Variants in CEACAM5 observed in about 807,000 individuals in gnomAD.
The protein encoded by CEACAM5 is CEA cell adhesion molecule 5.
In CEACAM5, 52 loss-of-function variants were observed where a neutral mutation model predicts 63.0. The observed-to-expected ratio is 0.83, with a 90% CI of 0.66 to 1.04. The LOEUF (loss-of-function observed/expected upper bound fraction) is 1.04. Among genes scored for constraint, CEACAM5 ranks in the 50% least tolerant of loss-of-function variants. The pLI is 0.00. For synonymous variants in CEACAM5, 357 were observed against 351.3 expected (o/e 1.02, Z -0.18); for missense variants, 790 against 864.8 (o/e 0.91, Z 1.08).
chr19:41,721,716 A>G (rs1418599639), intron 8 of CEACAM5, among the ~76,000 whole-genome samples: 1 of 152,240 alleles, frequency 6.6e-6, no homozygotes, highest in Non-Finnish European at 1.5e-5. Context: ...GGACCGGGGC[A>G]TGTGGAGAAG....
In CEACAM5 at chr19:41,723,072, T is replaced by C. The variant is rs1555816534; in HGVS notation, c.2026+1896T>C. 3.3e-5 allele frequency among the ~76,000 whole-genome samples: 5 copies of C among 150,908 alleles called. No homozygotes were observed. In the South Asian group the frequency reaches 1.0e-3, roughly 31 times the overall value. ...ACAGGTGCCCGCCAACAAGCTTGGC[T>C]AATTTTTTTTTTTTTATTTTTAGTA... is the stretch of plus-strand genomic sequence containing the variant. On this transcript the variant is annotated intron_variant, in intron 8 of 9. Transcript: ENST00000221992.
rs797036122 is a variant in CEACAM5 at position 41,725,357 on chromosome 19, C to CT, written c.2027-1866dup. On this transcript the variant is annotated intron_variant, in intron 8 of 9. Coordinates refer to ENST00000221992, the MANE Select transcript of CEACAM5 (RefSeq NM_004363.6). ...GCATTGGTAGCAATATCTCCATTTT[C>CT]TTTTTTTTTTTCTTTTTTTTTTTTA... Among the ~76,000 whole-genome samples, 1,254 of 137,304 alleles carry CT rather than the reference C, an allele frequency of 9.1e-3. 2 individuals are homozygous for CT. Among genetic ancestry groups the CT allele is most frequent in the African/African-American group, 0.012 (453 of 37,756 alleles). The allele number at this position is 137,304 out of a possible 152,430, so 90.1% of individuals were successfully genotyped here. A position where few individuals can be genotyped will look rare whatever the true frequency, so the allele number is the denominator to read the frequency against.
At chr19:41,724,008 G>C (rs1555816690) in intron 8 of CEACAM5, among the ~76,000 whole-genome samples, 1 of 143,334 alleles carries the variant, frequency 7.0e-6, no homozygotes, top group Non-Finnish European at 1.5e-5. Flanking sequence ...TTTTTCTTTT[G>C]TTGCCTATTT....
intron 9 of CEACAM5, among the ~76,000 whole-genome samples, chr19:41,727,560 C>T (rs1489173347): frequency 6.6e-6 from 1 of 152,150 alleles, no homozygotes; most frequent in Non-Finnish European, 1.5e-5. Context: ...ATATAATTAT[C>T]CCCACCCTCT....
chr19:41,726,967 G>A (rs1341764946), intron 8 of CEACAM5, among the ~76,000 whole-genome samples: 3 of 152,256 alleles, frequency 2.0e-5, no homozygotes, highest in African/African-American at 4.8e-5. Context: ...CTAATGACAC[G>A]CAAAAATAGC....
chr19:41,726,986 T>C (rs1256518563), intron 8 of CEACAM5, among the ~76,000 whole-genome samples: 1 of 152,068 alleles, frequency 6.6e-6, no homozygotes, highest in Non-Finnish European at 1.5e-5. Flanking sequence ...GCAATCAGAC[T>C]TTCTCAAATT....
intron 2 of CEACAM5, 110 bp downstream of exon 2, chr19:41,710,149 G>A (rs1555813846): frequency 2.0e-6 from 3 of 1,468,770 alleles, no homozygotes; most frequent in Non-Finnish European, 2.8e-6. Flanking sequence ...TACGCACCAT[G>A]TTAGGGTTTG....
rs782765708 is a variant in CEACAM5 at position 41,727,329 on chromosome 19, A to T, written c.*13A>T. The T allele has an allele frequency of 1.3e-6, 2 of 1,596,812 alleles. No individual in the cohort carries two copies. Among genetic ancestry groups the T allele is most frequent in the Non-Finnish European group, 1.7e-6 (2 of 1,165,078 alleles). On this transcript the variant is annotated 3_prime_UTR_variant, in exon 9 of 10. Coordinates refer to ENST00000221992, the MANE Select transcript of CEACAM5 (RefSeq NM_004363.6). ...TGCTCTGATATAGCAGCCCTGGTGT[A>T]GTTTCTTCATTTCAGGAAGACTGGT...
chr19:41,722,946 C>T (rs192438598), intron 8 of CEACAM5, among the ~76,000 whole-genome samples: 295 of 152,234 alleles, frequency 1.9e-3, no homozygotes, highest in African/African-American at 6.8e-3. Context: ...CTCGCTCTGT[C>T]GACCAGGCTG....
Position 41,718,159 on chromosome 19 carries a change from A to G in CEACAM5, c.1269A>G (p.Ser423=), listed in dbSNP as rs782387857. ...YGPDDPTISP[S]YTYYRPGVNL... ...CAGACGACCCCACCATTTCCCCCTC[A>G]TACACCTATTACCGTCCAGGGGTGA... Residue 423 remains serine, a synonymous_variant, in exon 6 of 10, where the codon TCA becomes TCG. Transcript: ENST00000221992. 9.3e-6 allele frequency: 15 copies of G among 1,613,998 alleles called. No homozygotes were observed. The highest frequency in any genetic ancestry group is 4.4e-5 in the South Asian group (4 of 91,060).
At chr19:41,718,521 C>T (rs2072565548) in intron 6 of CEACAM5, 139 bp downstream of exon 6, 1 of 825,292 alleles carries the variant, frequency 1.2e-6, no homozygotes, top group Non-Finnish European at 1.9e-6. Context: ...CCTGAGCACT[C>T]CCAATTTGTC....
intron 3 of CEACAM5, 128 bp downstream of exon 3, chr19:41,715,377 G>T: frequency 7.0e-7 from 1 of 1,424,798 alleles, no homozygotes; most frequent in African/African-American, 1.4e-5. Flanking sequence ...GACTGTCTGT[G>T]ACTTTCTGCC....
chr19:41,709,959 A>G lies in CEACAM5; in HGVS notation c.344A>G (p.Asn115Ser), dbSNP rs375689687. The part of the protein sequence containing the change: ...ASLLIQNIIQ[N>S]DTGFYTLHVI... ...CTGCTGATCCAGAACATCATCCAGAATGACACAGGATTCTACACCCTACAC... is the reference window on the plus strand; with the variant it reads ...CTGCTGATCCAGAACATCATCCAGAGTGACACAGGATTCTACACCCTACAC... Residue 115 changes from asparagine (N) to serine (S), a missense_variant, in exon 2 of 10, where the codon AAT becomes AGT. By Grantham distance (46) the Asn-to-Ser change is conservative (BLOSUM62 1). Coordinates refer to ENST00000221992, the MANE Select transcript of CEACAM5 (RefSeq NM_004363.6). 15 of 1,613,830 alleles carry G rather than the reference A, an allele frequency of 9.3e-6. No individual in the cohort carries two copies. The highest frequency in any genetic ancestry group is 6.7e-5 in the African/African-American group (5 of 74,876).
intron 8 of CEACAM5, among the ~76,000 whole-genome samples, chr19:41,722,791 T>C (rs2072643083): frequency 6.6e-6 from 1 of 152,266 alleles, no homozygotes; most frequent in African/African-American, 2.4e-5. Flanking sequence ...GTAATGCTGC[T>C]GTGAACATCA....
chr19:41,715,630 C>T lies in CEACAM5; in HGVS notation c.704-20C>T, dbSNP rs782246937. 29 of 1,613,618 alleles carry T rather than the reference C, an allele frequency of 1.8e-5. No individual in the cohort carries two copies. In the African/African-American group the frequency reaches 3.2e-4, roughly 18 times the overall value. On this transcript the variant is annotated intron_variant, in intron 3 of 9. Transcript: ENST00000221992. ...TTCCCTCTGACAATATCACCTGTGGCTTTATTTTGTTTGCTCCAGATGGCC... is the reference window on the plus strand; with the variant it reads ...TTCCCTCTGACAATATCACCTGTGGTTTTATTTTGTTTGCTCCAGATGGCC...
chr19:41,718,001 G>T, intron 5 of CEACAM5, 127 bp from the exon 6 acceptor site: 1 of 1,160,160 alleles, frequency 8.6e-7, no homozygotes, highest in East Asian at 2.3e-5. Context: ...ATTGGATACA[G>T]TAGGGGTTTG....
intron 1 of CEACAM5, among the ~76,000 whole-genome samples, chr19:41,709,000 G>A (rs187608648): frequency 3.1e-4 from 47 of 152,366 alleles, no homozygotes; most frequent in Admixed American, 2.8e-3. Flanking sequence ...TATTTTCCTA[G>A]TTAATTGTCA....
At chr19:41,727,534 C>T (rs782328697) in intron 9 of CEACAM5, among the ~76,000 whole-genome samples, 182 bp downstream of exon 9, 4 of 152,168 alleles carry the variant, frequency 2.6e-5, no homozygotes, top group African/African-American at 4.8e-5. Context: ...GCTCCCTGTA[C>T]GCCACTGTCT....
At chr19:41,727,651 C>T (rs1435974731) in intron 9 of CEACAM5, among the ~76,000 whole-genome samples, 1 of 152,164 alleles carries the variant, frequency 6.6e-6, no homozygotes, top group Non-Finnish European at 1.5e-5. Context: ...TCATTCTCTC[C>T]ATTCCCATAA....
Sources: gnomAD v4.1 joint callset for allele counts (sites outside exome capture counted in the v4.1 genomes callset) on GRCh38, gnomAD v4.1.1 for gene constraint, MANE v1.5 for transcripts, NCBI Gene and HGNC (gene_info 2026-07-23, HGNC 2026-07-21) for gene names.